The following MEF2A variants were observed in gnomAD, a reference collection of about 807,000 sequenced individuals.
MEF2A encodes myocyte enhancer factor 2A.
MEF2A carries 28 observed loss-of-function variants against 55.8 expected under a neutral mutation model. The observed-to-expected ratio is 0.50, with a 90% confidence interval of 0.37 to 0.69. MEF2A has a LOEUF of 0.69. MEF2A is among the 30% of genes least tolerant of loss of function. MEF2A has a pLI of 0.00. For missense variants in MEF2A, 528 were observed against 626.2 expected (o/e 0.84, Z 1.67); for synonymous variants, 239 against 227.1 (o/e 1.05, Z -0.47).
At chr15:99,586,475 T>C (rs903187249) in intron 1 of MEF2A, among the ~76,000 whole-genome samples, 5 of 152,258 alleles carry the variant, frequency 3.3e-5, no homozygotes, top group Admixed American at 3.3e-4. Flanking sequence ...TTCATACATC[T>C]TTTTAAGTTT....
At position 99,680,272 on chromosome 15, in the gene MEF2A, A is replaced by C. The variant is rs950702364; in HGVS notation, c.670+4814A>C. 7.9e-5 allele frequency among the ~76,000 whole-genome samples: 12 copies of C among 152,250 alleles called. 1 individual carries two copies. Among genetic ancestry groups the C allele is most frequent in the African/African-American group, 2.9e-4 (12 of 41,470 alleles). On this transcript the variant is annotated intron_variant, in intron 7 of 11. Coordinates refer to ENST00000557942, the MANE Select transcript of MEF2A (RefSeq NM_001319206.4). ...TACCAAAATACACAATTCAAAAAAG[A>C]AACCTAACTAGTATTTTAAAAACTG...
At chr15:99,643,728 A>T (rs1370080615) in intron 3 of MEF2A, among the ~76,000 whole-genome samples, 1 of 151,552 alleles carries the variant, frequency 6.6e-6, no homozygotes, top group Non-Finnish European at 1.5e-5. Context: ...AGTAGGTGGG[A>T]CTACAGGCGC....
intron 5 of MEF2A, among the ~76,000 whole-genome samples, chr15:99,673,366 T>G (rs976208085): frequency 2.0e-5 from 3 of 152,190 alleles, no homozygotes; most frequent in African/African-American, 7.2e-5. Context: ...TAAAAGTGTT[T>G]TACTTTTGAA....
rs542635650 is a variant in MEF2A, at chr15:99,631,472, C to T, written c.-142-1506C>T. Among the ~76,000 whole-genome samples, 16 of 152,260 alleles carry T rather than the reference C, an allele frequency of 1.1e-4. No individual in the cohort carries two copies. In the South Asian group the frequency reaches 1.5e-3, roughly 14 times the overall value. On this transcript the variant is annotated intron_variant, in intron 2 of 11. Transcript: ENST00000557942. Reference sequence around the variant, plus strand: ...TTCTCCCTGCCTAATATGTATATCTCATACTCGAGTTTGAGTATGAGACAC... The same window carrying T: ...TTCTCCCTGCCTAATATGTATATCTTATACTCGAGTTTGAGTATGAGACAC...
intron 1 of MEF2A, among the ~76,000 whole-genome samples, chr15:99,594,222 C>A (rs1970355743): frequency 1.3e-5 from 2 of 152,164 alleles, no homozygotes; most frequent in African/African-American, 4.8e-5. Flanking sequence ...TTCTCACTAC[C>A]CCTTCTTCTG....
intron 7 of MEF2A, among the ~76,000 whole-genome samples, chr15:99,685,481 T>A (rs1180618771): frequency 6.6e-6 from 1 of 152,144 alleles, no homozygotes; most frequent in African/African-American, 2.4e-5. Flanking sequence ...AGTTCTTGAT[T>A]TGATTCTCAG....
chr15:99,640,096 A>T (rs2044609718), intron 3 of MEF2A, among the ~76,000 whole-genome samples: 1 of 152,092 alleles, frequency 6.6e-6, no homozygotes, highest in African/African-American at 2.4e-5. Context: ...TGGTTTTTTT[A>T]AATGTTCCGA....
chr15:99,613,958 G>A (rs908060350), intron 2 of MEF2A, among the ~76,000 whole-genome samples: 10 of 152,130 alleles, frequency 6.6e-5, no homozygotes, highest in African/African-American at 2.2e-4. Flanking sequence ...TATCACATCA[G>A]TGGCATTTTT....
chr15:99,591,837 T>A (rs1332735202), intron 1 of MEF2A, among the ~76,000 whole-genome samples: 1 of 152,164 alleles, frequency 6.6e-6, no homozygotes, highest in Middle Eastern at 3.2e-3. Context: ...TTTATTCTTT[T>A]AAAAATCATT....
intron 2 of MEF2A, among the ~76,000 whole-genome samples, chr15:99,602,648 C>T (rs1469339266): frequency 8.9e-6 from 1 of 112,598 alleles, no homozygotes; most frequent in African/African-American, 3.2e-5. Flanking sequence ...GCCTGACATT[C>T]CTGGGGTGTG....
chr15:99,630,258 G>A (rs1380249013), intron 2 of MEF2A, among the ~76,000 whole-genome samples: 1 of 151,984 alleles, frequency 6.6e-6, no homozygotes, highest in Admixed American at 6.6e-5. Context: ...TCCATGTGCT[G>A]TAATTTCTCA....
At chr15:99,658,195 C>T (rs1213384466) in intron 4 of MEF2A, among the ~76,000 whole-genome samples, 1 of 151,972 alleles carries the variant, frequency 6.6e-6, no homozygotes. Flanking sequence ...AAGAAATAAG[C>T]TTGAAAATAT....
intron 4 of MEF2A, among the ~76,000 whole-genome samples, chr15:99,655,582 G>A (rs910828117): frequency 2.6e-5 from 4 of 152,028 alleles, no homozygotes; most frequent in Non-Finnish European, 1.5e-5. Context: ...TAAAAGAAGT[G>A]TGTAGCTTTT....
At chr15:99,619,047 C>T (rs538118112) in intron 2 of MEF2A, among the ~76,000 whole-genome samples, 2 of 152,290 alleles carry the variant, frequency 1.3e-5, no homozygotes, top group South Asian at 4.1e-4. Flanking sequence ...TGTAACACCT[C>T]TGGCATGGCT....
At chr15:99,569,177 T>G (rs1432670526) in intron 1 of MEF2A, among the ~76,000 whole-genome samples, 1 of 152,152 alleles carries the variant, frequency 6.6e-6, no homozygotes, top group Non-Finnish European at 1.5e-5. Context: ...TTGAGATATC[T>G]CCTGTAAAAT....
chr15:99,608,997 A>G (rs183092790), intron 2 of MEF2A, among the ~76,000 whole-genome samples: 3 of 152,306 alleles, frequency 2.0e-5, no homozygotes, highest in African/African-American at 7.2e-5. Flanking sequence ...TAACAAGTAG[A>G]TAGTTTAGAG....
At chr15:99,663,156 C>T (rs1596944544) in intron 4 of MEF2A, among the ~76,000 whole-genome samples, 1 of 151,874 alleles carries the variant, frequency 6.6e-6, no homozygotes, top group South Asian at 2.1e-4. Flanking sequence ...GCAGTATAGG[C>T]TCTTCGATCC....
At chr15:99,619,440 A>G (rs533559842) in intron 2 of MEF2A, among the ~76,000 whole-genome samples, 5 of 152,174 alleles carry the variant, frequency 3.3e-5, no homozygotes, top group Non-Finnish European at 7.3e-5. Context: ...CCTAGTCTTC[A>G]GTTATTTTTC....
intron 7 of MEF2A, among the ~76,000 whole-genome samples, chr15:99,685,170 A>G (rs1237596438): frequency 6.6e-6 from 1 of 152,172 alleles, no homozygotes; most frequent in East Asian, 1.9e-4. Flanking sequence ...TGCTTTGGCT[A>G]TGCAGGCTCT....
Sources: allele counts gnomAD v4.1 joint callset (sites outside exome capture counted in the v4.1 genomes callset), GRCh38; gene constraint gnomAD v4.1.1; transcripts MANE v1.5; gene names NCBI Gene and HGNC (gene_info 2026-07-23, HGNC 2026-07-21).